EML6: variants seen among roughly 807,000 people sequenced by gnomAD.
The protein encoded by EML6 is EMAP like 6.
In EML6, 154 loss-of-function variants were observed where a neutral mutation model predicts 240.1. The observed-to-expected ratio is 0.64, with a 90% CI of 0.56 to 0.73. The LOEUF (loss-of-function observed/expected upper bound fraction) is 0.73, where lower values mean the gene tolerates loss of function less well. Ranked by LOEUF, EML6 falls within the 30% of genes least tolerant of loss-of-function variation. EML6 has a pLI of 0.00. For synonymous variants in EML6, 1,148 were observed against 899.0 expected (o/e 1.28, Z -4.95); for missense variants, 2,964 against 2,474.6 (o/e 1.20, Z -4.20).
chr2:54,920,541 C>T (rs1293385192), intron 26 of EML6, among the ~76,000 whole-genome samples: 2 of 152,080 alleles, frequency 1.3e-5, no homozygotes, highest in Non-Finnish European at 2.9e-5. Flanking sequence ...AAGGCCAAGA[C>T]CATGTGGCTT....
chr2:54,798,795 G>A (rs1376168663), intron 2 of EML6, among the ~76,000 whole-genome samples: 1 of 151,932 alleles, frequency 6.6e-6, no homozygotes, highest in African/African-American at 2.4e-5. Context: ...TTGCTTTATT[G>A]TACTGCTAGG....
chr2:54,904,588 G>A (rs1177477754), intron 24 of EML6, among the ~76,000 whole-genome samples: 1 of 152,218 alleles, frequency 6.6e-6, no homozygotes, highest in Non-Finnish European at 1.5e-5. Context: ...TATGAAGAGT[G>A]AAGGTGGGAA....
chr2:54,964,035 A>G lies in EML6; in HGVS notation c.5207A>G (p.Tyr1736Cys), dbSNP rs1676642053. Residue 1736 changes from tyrosine to cysteine, a missense_variant, in exon 37 of 42, where the codon TAC becomes TGC. Physicochemically the swap from Tyr to Cys is radical, Grantham distance 194 (BLOSUM62 -2). Coordinates refer to ENST00000356458, the MANE Select transcript of EML6 (RefSeq NM_001039753.4). ...SLGHAARCAAYSPDGEMVAIG... is the reference protein window; with the variant it reads ...SLGHAARCAACSPDGEMVAIG... ...GGCCATGCGGCCAGGTGTGCAGCCT[A>G]CAGCCCTGATGGGGAGATGGTGGCC... The G allele has an allele frequency of 1.3e-6, 2 of 1,551,750 alleles. No homozygotes were observed. The highest frequency in any genetic ancestry group is 1.7e-6 in the Non-Finnish European group (2 of 1,146,994).
chr2:54,897,708 AGCATCTTTTTTTCG>A (rs1672844192), intron 21 of EML6, among the ~76,000 whole-genome samples: 1 of 146,952 alleles, frequency 6.8e-6, no homozygotes, highest in Non-Finnish European at 1.5e-5. Context: ...TTTTTTTTTC[AGCATCTTTTTTTCG>A]TCTTCTGCTC....
chr2:54,754,547 A>G (rs2103725366), intron 2 of EML6, among the ~76,000 whole-genome samples: 1 of 152,214 alleles, frequency 6.6e-6, no homozygotes, highest in South Asian at 2.1e-4. Flanking sequence ...TCTTTTTCTT[A>G]TTGATATATA....
At chr2:54,783,977 C>T (rs1258499784) in intron 2 of EML6, among the ~76,000 whole-genome samples, 1 of 151,962 alleles carries the variant, frequency 6.6e-6, no homozygotes, top group African/African-American at 2.4e-5. Flanking sequence ...GAGATAAGGT[C>T]TTGTGGTATT....
At chr2:54,904,189 T>A (rs1450578628) in intron 24 of EML6, among the ~76,000 whole-genome samples, 1 of 152,060 alleles carries the variant, frequency 6.6e-6, no homozygotes, top group African/African-American at 2.4e-5. Context: ...GAGCACAAAA[T>A]GGGTACCGTG....
Position 54,751,599 on chromosome 2 carries a change from TC to T in EML6, c.197+26346del, listed in dbSNP as rs377140563. Reference sequence around the variant, plus strand: ...AATACCCCGTCCCCTCAACCTTCCATCCCCCATATCCTTATCAAACTTTAGA... The same window carrying T: ...AATACCCCGTCCCCTCAACCTTCCATCCCCATATCCTTATCAAACTTTAGA... On this transcript the variant is annotated intron_variant, in intron 2 of 41. Coordinates refer to ENST00000356458, the MANE Select transcript of EML6 (RefSeq NM_001039753.4). 1.5e-4 allele frequency among the ~76,000 whole-genome samples: 23 copies of T among 152,260 alleles called. No individual in the cohort carries two copies. In the East Asian group the frequency reaches 4.2e-3, roughly 28 times the overall value.
intron 13 of EML6, among the ~76,000 whole-genome samples, chr2:54,865,586 G>T (rs568023540): frequency 6.6e-6 from 1 of 152,198 alleles, no homozygotes; most frequent in South Asian, 2.1e-4. Flanking sequence ...GTAAGTACTG[G>T]TTTGATGCTC....
chr2:54,778,390 C>T (rs1271337703), intron 2 of EML6, among the ~76,000 whole-genome samples: 3 of 152,020 alleles, frequency 2.0e-5, no homozygotes, highest in African/African-American at 7.2e-5. Flanking sequence ...AGTTTTCTGT[C>T]TGGGATGAGG....
At position 54,827,740 on chromosome 2, in the gene EML6, G is replaced by A; in HGVS notation, c.700G>A (p.Gly234Arg). 1.3e-6 allele frequency: 2 copies of A among 1,551,192 alleles called. No individual in the cohort carries two copies. Among genetic ancestry groups the A allele is most frequent in the Middle Eastern group, 3.3e-4 (2 of 5,984 alleles). The change falls in exon 6 of 42, where the codon GGA (glycine) becomes AGA (arginine). Residue 234 changes from glycine to arginine, a missense_variant. Transcript: ENST00000356458. ...GCTCAATTTAGTCCGCACCATTCAA[G>A]GAGCACATAGTGTAAGTATTACCTT... ...KGLNLVRTIQ[G>R]AHSAGIFSMY...
intron 16 of EML6, among the ~76,000 whole-genome samples, chr2:54,875,119 C>T (rs565329848): frequency 5.3e-5 from 8 of 152,168 alleles, no homozygotes; most frequent in Non-Finnish European, 1.0e-4. Flanking sequence ...TAAGCTTGTC[C>T]ATCTGCCCTT....
intron 2 of EML6, among the ~76,000 whole-genome samples, chr2:54,742,985 A>G (rs1683722677): frequency 6.6e-6 from 1 of 152,270 alleles, no homozygotes; most frequent in Admixed American, 6.5e-5. Flanking sequence ...ATTTCTGGCC[A>G]CAGGAAAATC....
chr2:54,897,628 C>A (rs140966462), intron 21 of EML6, among the ~76,000 whole-genome samples: 25 of 152,284 alleles, frequency 1.6e-4, no homozygotes, highest in African/African-American at 5.5e-4. Flanking sequence ...GCTGGTTGAG[C>A]TGCTGGAAGC....
chr2:54,930,968 T>C (rs987947876), intron 28 of EML6, among the ~76,000 whole-genome samples: 1 of 147,236 alleles, frequency 6.8e-6, no homozygotes, highest in African/African-American at 2.5e-5. Context: ...TTTTTTTTTT[T>C]TTTTTTTGAG....
At chr2:54,794,451 C>T (rs1402632846) in intron 2 of EML6, among the ~76,000 whole-genome samples, 2 of 152,154 alleles carry the variant, frequency 1.3e-5, no homozygotes, top group African/African-American at 2.4e-5. Flanking sequence ...GTTCTCAGTC[C>T]TCTTCCCTGG....
chr2:54,947,646 T>C (rs1453934114), intron 28 of EML6, among the ~76,000 whole-genome samples: 1 of 152,164 alleles, frequency 6.6e-6, no homozygotes, highest in African/African-American at 2.4e-5. Flanking sequence ...GAAGATGTCA[T>C]TGTTTTTCTG....
In EML6 at chr2:54,859,683, C is replaced by A; in HGVS notation, c.1807C>A (p.Leu603Met). The change falls in exon 12 of 42, where the codon CTG becomes ATG. Residue 603 changes from leucine (L) to methionine (M), a missense_variant. By Grantham distance (15) the Leu-to-Met change is conservative (BLOSUM62 2). Transcript: ENST00000356458. ...FIPEGVSNGM[L>M]ETAPQEGGAD... ...TCCAGAAGGTGTCAGCAACGGCATG[C>A]TGGAAACTGCACCCCAAGGTAAACC... The A allele has an allele frequency of 6.5e-7, 1 of 1,541,462 alleles. No homozygotes were observed. Among genetic ancestry groups the A allele is most frequent in the Non-Finnish European group, 8.7e-7 (1 of 1,144,328 alleles).
At chr2:54,813,649 G>A (rs1667958472) in intron 3 of EML6, among the ~76,000 whole-genome samples, 1 of 152,156 alleles carries the variant, frequency 6.6e-6, no homozygotes, top group South Asian at 2.1e-4. Flanking sequence ...AATTCATGGT[G>A]ATCAGGTTCA....
Sources: allele counts gnomAD v4.1 joint callset (sites outside exome capture counted in the v4.1 genomes callset), GRCh38; gene constraint gnomAD v4.1.1; transcripts MANE v1.5; gene names NCBI Gene and HGNC (gene_info 2026-07-23, HGNC 2026-07-21).